SEMA3C: variants seen among roughly 807,000 people sequenced by gnomAD.
SEMA3C encodes semaphorin-3C.
SEMA3C carries 47 observed loss-of-function variants against 89.4 expected under a neutral mutation model. The observed-to-expected ratio is 0.53, with a 90% CI of 0.42 to 0.67. The LOEUF (loss-of-function observed/expected upper bound fraction) is 0.67, where lower values mean the gene tolerates loss of function less well. Among genes scored for constraint, SEMA3C ranks in the 30% least tolerant of loss-of-function variants. SEMA3C has a pLI of 0.00. For missense variants in SEMA3C, 839 were observed against 929.1 expected (o/e 0.90, Z 1.26); for synonymous variants, 310 against 320.2 (o/e 0.97, Z 0.34).
upstream of SEMA3C, among the ~76,000 whole-genome samples, chr7:80,919,591 G>GTT (rs3834745): frequency 2.0e-5 from 3 of 148,400 alleles, no homozygotes; most frequent in African/African-American, 5.0e-5. Flanking sequence ...TTTGTTTTTT[G>GTT]TTTTGTTTTT....
chr7:80,898,648 G>A (rs975482942), intron 2 of SEMA3C, among the ~76,000 whole-genome samples: 6 of 152,008 alleles, frequency 3.9e-5, no homozygotes, highest in Non-Finnish European at 5.9e-5. Flanking sequence ...TAATCACTCT[G>A]TATTGAGAAT....
intron 16 of SEMA3C, 64 bp downstream of exon 16, chr7:80,751,205 A>C (rs1025357286): frequency 3.9e-6 from 5 of 1,284,150 alleles, no homozygotes; most frequent in Non-Finnish European, 5.7e-6. Flanking sequence ...GTTTCCCCTT[A>C]CTGAAATGTG....
At chr7:80,748,084 G>T (rs1218256049) in intron 17 of SEMA3C, among the ~76,000 whole-genome samples, 1 of 152,036 alleles carries the variant, frequency 6.6e-6, no homozygotes, top group African/African-American at 2.4e-5. Context: ...CATAAATGCG[G>T]AAGGCTCCAC....
intron 16 of SEMA3C, among the ~76,000 whole-genome samples, chr7:80,750,203 T>C (rs370638548): frequency 6.6e-6 from 1 of 151,858 alleles, no homozygotes; most frequent in Non-Finnish European, 1.5e-5. Context: ...GGAAATACTT[T>C]TACTTGGTGG....
chr7:80,837,368 T>C (rs1293077317), intron 2 of SEMA3C, among the ~76,000 whole-genome samples: 1 of 152,202 alleles, frequency 6.6e-6, no homozygotes, highest in African/African-American at 2.4e-5. Context: ...AGTCTTTTGT[T>C]TCCTAAGTCG....
At chr7:80,921,072 T>A (rs760311112), upstream of SEMA3C, among the ~76,000 whole-genome samples, 51 of 152,174 alleles carry the variant, frequency 3.4e-4, no homozygotes, top group Non-Finnish European at 1.5e-4. Flanking sequence ...ATGAAATGCA[T>A]CTCAAACGGT....
intron 4 of SEMA3C, among the ~76,000 whole-genome samples, chr7:80,821,577 G>A (rs985995719): frequency 5.9e-5 from 9 of 152,236 alleles, no homozygotes; most frequent in Admixed American, 5.2e-4. Flanking sequence ...GTGCCACCAC[G>A]CCCGGCTAAT....
At chr7:80,921,227 A>G (rs961776427), upstream of SEMA3C, among the ~76,000 whole-genome samples, 6 of 152,182 alleles carry the variant, frequency 3.9e-5, no homozygotes, top group Non-Finnish European at 8.8e-5. Context: ...AAATTCCCTC[A>G]ATATTGCTCA....
intron 2 of SEMA3C, among the ~76,000 whole-genome samples, chr7:80,888,767 CA>C (rs1171809378): frequency 6.6e-6 from 1 of 152,044 alleles, no homozygotes; most frequent in African/African-American, 2.4e-5. Context: ...ACCACAATAA[CA>C]AAAAAATATT....
chr7:80,856,706 C>T (rs1263562738), intron 2 of SEMA3C, among the ~76,000 whole-genome samples: 1 of 151,966 alleles, frequency 6.6e-6, no homozygotes, highest in Non-Finnish European at 1.5e-5. Flanking sequence ...CATTATCTTA[C>T]CAACACTTCT....
At chr7:80,762,340 T>G (rs371101969) in intron 13 of SEMA3C, among the ~76,000 whole-genome samples, 43 of 152,212 alleles carry the variant, frequency 2.8e-4, no homozygotes, top group African/African-American at 1.0e-3. Flanking sequence ...AAAGACAATA[T>G]ATTAGGCTGA....
At chr7:80,824,301 AC>A (rs1335968149) in intron 4 of SEMA3C, among the ~76,000 whole-genome samples, 1 of 152,162 alleles carries the variant, frequency 6.6e-6, no homozygotes, top group African/African-American at 2.4e-5. Flanking sequence ...TAAATGCACT[AC>A]AAACATAATT....
intron 2 of SEMA3C, among the ~76,000 whole-genome samples, chr7:80,906,535 A>G (rs1792019118): frequency 6.6e-6 from 1 of 152,218 alleles, no homozygotes; most frequent in Non-Finnish European, 1.5e-5. Flanking sequence ...ATGTCAGTAA[A>G]AAAGAAGAGA....
chr7:80,818,644 G>T (rs916023918), intron 4 of SEMA3C, among the ~76,000 whole-genome samples: 2 of 148,888 alleles, frequency 1.3e-5, no homozygotes, highest in African/African-American at 4.9e-5. Context: ...TAGCTGATGA[G>T]CTAAAAAAAT....
rs1788112104 is a variant in SEMA3C at position 80,758,379 on chromosome 7, C to T, written c.1595G>A (p.Cys532Tyr). Residue 532 changes from cysteine to tyrosine, a missense_variant, in exon 15 of 18, where the codon TGC becomes TAC. Coordinates refer to ENST00000265361, the MANE Select transcript of SEMA3C (RefSeq NM_006379.5). ...GGAACAGGAATGGCCATCCCAGGCG[C>T]AATAAGGGTCCCGCGCCAGGCAGCA... is the stretch of plus-strand genomic sequence containing the variant. ...ADCCLARDPY[C>Y]AWDGHSCSRF... 4 of 1,614,040 alleles carry T rather than the reference C, an allele frequency of 2.5e-6. No homozygotes were observed. The highest frequency in any genetic ancestry group is 3.4e-6 in the Non-Finnish European group (4 of 1,180,004).
At chr7:80,798,031 A>G (rs1789108499) in intron 11 of SEMA3C, 61 bp downstream of exon 11, 1 of 1,507,308 alleles carries the variant, frequency 6.6e-7, no homozygotes, top group Non-Finnish European at 8.9e-7. Context: ...ACAGATATTC[A>G]TTACCTGTTA....
intron 2 of SEMA3C, chr7:80,906,056 G>A: frequency 5.6e-6 from 2 of 357,502 alleles, no homozygotes; most frequent in South Asian, 2.3e-5. Flanking sequence ...TTTACAAAAG[G>A]GCCTAAAAGC....
In SEMA3C at chr7:80,821,351, T is replaced by C. The variant is rs182685662; in HGVS notation, c.328-2933A>G. On this transcript the variant is annotated intron_variant, in intron 4 of 17. Transcript: ENST00000265361. Reference sequence around the variant, plus strand: ...TAAAGCAGATTTACAAACACATACGTCTCTAACATTGAATCCTGTACTTTT... The same window carrying C: ...TAAAGCAGATTTACAAACACATACGCCTCTAACATTGAATCCTGTACTTTT... Among the ~76,000 whole-genome samples, 15 of 152,312 alleles carry C rather than the reference T, an allele frequency of 9.8e-5. No homozygotes were observed. In the East Asian group the frequency reaches 2.3e-3, roughly 24 times the overall value.
At chr7:80,756,430 C>T (rs940916713) in intron 15 of SEMA3C, among the ~76,000 whole-genome samples, 2 of 152,122 alleles carry the variant, frequency 1.3e-5, no homozygotes, top group African/African-American at 4.8e-5. Flanking sequence ...GCCACCCCTT[C>T]CCTTCTGCCT....
Sources: gnomAD v4.1 joint callset for allele counts (sites outside exome capture counted in the v4.1 genomes callset) on GRCh38, gnomAD v4.1.1 for gene constraint, MANE v1.5 for transcripts, NCBI Gene and HGNC (gene_info 2026-07-23, HGNC 2026-07-21) for gene names.